WDFY3: variants seen among roughly 807,000 people sequenced by gnomAD.
The protein encoded by WDFY3 is WD repeat and FYVE domain-containing protein 3.
A neutral mutation model predicts 409.6 loss-of-function variants in WDFY3; 66 were observed. The ratio of observed to expected loss-of-function variants is 0.16; its 90% CI spans 0.13 to 0.20. The LOEUF is 0.20. Ranked by LOEUF, WDFY3 falls within the 10% of genes least tolerant of loss-of-function variation. The pLI is 1.00. For synonymous variants in WDFY3, 1,521 were observed against 1,537.1 expected, an observed-to-expected ratio of 0.99 and a Z score of 0.25; for missense variants, 3,031 against 4,298.1, an observed-to-expected ratio of 0.71 and a Z score of 8.24.
chr4:84,803,697 G>A (rs1046446831), intron 15 of WDFY3, among the ~76,000 whole-genome samples: 3 of 152,048 alleles, frequency 2.0e-5, no homozygotes, highest in Admixed American at 6.6e-5. Flanking sequence ...GCCTTTATAT[G>A]ATTTTTACTT....
intron 1 of WDFY3, among the ~76,000 whole-genome samples, chr4:84,947,222 C>G (rs913025015): frequency 1.3e-5 from 2 of 151,566 alleles, no homozygotes; most frequent in East Asian, 3.9e-4. Flanking sequence ...TATAAAAATT[C>G]CTGCTAGGGG....
At chr4:84,682,567 T>G in intron 63 of WDFY3, 97 bp from the exon 64 acceptor site, 2 of 968,000 alleles carry the variant, frequency 2.1e-6, no homozygotes, top group South Asian at 3.0e-5. Flanking sequence ...GGTTAACAGA[T>G]AACTTAATTT....
rs565702305 is a variant in WDFY3, at chr4:84,684,408, G to T, written c.9544-283C>A. 3.3e-5 allele frequency among the ~76,000 whole-genome samples: 5 copies of T among 152,292 alleles called. No individual in the cohort carries two copies. The South Asian group carries it at 1.0e-3, about 32-fold the overall frequency. ...CGTCCCTGGCACACTGCTGAGCAAG[G>T]TCTGGCGACACAAGAAAGCTCCCTG... On this transcript the variant is annotated intron_variant, in intron 62 of 67. Transcript: ENST00000295888.
At position 84,715,372 on chromosome 4, in the gene WDFY3, C is replaced by G; in HGVS notation, c.7887G>C (p.Val2629=). 1.3e-6 allele frequency: 2 copies of G among 1,595,576 alleles called. No homozygotes were observed. The highest frequency in any genetic ancestry group is 1.7e-6 in the Non-Finnish European group (2 of 1,163,794). The change falls in exon 50 of 68, where the codon GTG becomes GTC. Residue 2629 remains valine (V), a synonymous_variant. Coordinates refer to ENST00000295888, the MANE Select transcript of WDFY3 (RefSeq NM_014991.6). ...KRRYLLQPIA[V]EVFSGDGRNY... ...TCCGTCCATCTCCAGAGAAAACTTC[C>G]ACAGCAATAGGCTGAAATGATCAGA...
chr4:84,872,310 T>A (rs1560972438), intron 3 of WDFY3, among the ~76,000 whole-genome samples: 1 of 151,342 alleles, frequency 6.6e-6, no homozygotes, highest in Admixed American at 6.6e-5. Context: ...ACTAAAAATA[T>A]AAAAATTAGC....
At chr4:84,793,916 A>G (rs1212597197) in intron 21 of WDFY3, among the ~76,000 whole-genome samples, 1 of 152,234 alleles carries the variant, frequency 6.6e-6, no homozygotes, top group Admixed American at 6.5e-5. Flanking sequence ...AATCACATTT[A>G]TACAAAATGC....
chr4:84,690,905 G>C (rs1213004268), intron 60 of WDFY3, among the ~76,000 whole-genome samples: 1 of 152,110 alleles, frequency 6.6e-6, no homozygotes, highest in Non-Finnish European at 1.5e-5. Flanking sequence ...TCATAATGGG[G>C]GTCTCTGGTT....
chr4:84,941,276 A>G (rs1561125019), intron 1 of WDFY3, among the ~76,000 whole-genome samples: 1 of 152,086 alleles, frequency 6.6e-6, no homozygotes, highest in Non-Finnish European at 1.5e-5. Flanking sequence ...ACTTGGCAAG[A>G]CTGCAGTATA....
chr4:84,892,715 T>A (rs1765113851), intron 3 of WDFY3, among the ~76,000 whole-genome samples: 1 of 152,198 alleles, frequency 6.6e-6, no homozygotes, highest in Non-Finnish European at 1.5e-5. Flanking sequence ...ATGCTAAGAA[T>A]GTAGAGGAAG....
intron 3 of WDFY3, among the ~76,000 whole-genome samples, chr4:84,877,471 T>C (rs1474951777): frequency 6.6e-6 from 1 of 152,090 alleles, no homozygotes; most frequent in Non-Finnish European, 1.5e-5. Context: ...CTAATTGTTT[T>C]ATTTTTTTAT....
At chr4:84,778,285 T>C (rs1207295164) in intron 27 of WDFY3, among the ~76,000 whole-genome samples, 1 of 152,146 alleles carries the variant, frequency 6.6e-6, no homozygotes. Context: ...ATATGCATCA[T>C]ACCATTTCAC....
intron 33 of WDFY3, among the ~76,000 whole-genome samples, chr4:84,756,586 C>CAATTA (rs1741495322): frequency 7.8e-6 from 1 of 128,982 alleles, no homozygotes; most frequent in African/African-American, 2.8e-5. Flanking sequence ...CTCTGTCTCA[C>CAATTA]AAATAAAATA....
rs541270592 is a variant in WDFY3 at position 84,692,319 on chromosome 4, A to T, written c.9050-534T>A. On this transcript the variant is annotated intron_variant, in intron 59 of 67. Coordinates refer to ENST00000295888, the MANE Select transcript of WDFY3 (RefSeq NM_014991.6). ...TCTGTGTAATGAGGACAAATGGCAT[A>T]GAATGGCACACAAGTTAACCAGATT... is the stretch of plus-strand genomic sequence containing the variant. Among the ~76,000 whole-genome samples the T allele has an allele frequency of 2.6e-5, 4 of 152,374 alleles. 1 individual carries two copies. In the South Asian group the frequency reaches 6.2e-4, roughly 24 times the overall value.
chr4:84,744,852 CAAAAAA>C (rs1165273561), intron 36 of WDFY3, among the ~76,000 whole-genome samples: 685 of 15,624 alleles, frequency 0.044, 3 homozygotes, highest in Middle Eastern at 0.17. Context: ...GACTCCGTCT[CAAAAAA>C]AAAAAAAAAA....
chr4:84,885,647 A>G (rs1022217804), intron 3 of WDFY3, among the ~76,000 whole-genome samples: 1 of 152,216 alleles, frequency 6.6e-6, no homozygotes, highest in Non-Finnish European at 1.5e-5. Context: ...GAAGGCCATT[A>G]AACACAGAGG....
In WDFY3 at chr4:84,856,431, TTTTC is replaced by T. The variant is rs200745259; in HGVS notation, c.180+3977_180+3980del. Among the ~76,000 whole-genome samples the T allele has an allele frequency of 8.2e-3, 1,246 of 152,276 alleles. 17 individuals carry two copies. Among genetic ancestry groups the T allele is most frequent in the African/African-American group, 0.028 (1,172 of 41,566 alleles). On this transcript the variant is annotated intron_variant, in intron 4 of 67. Coordinates refer to ENST00000295888, the MANE Select transcript of WDFY3 (RefSeq NM_014991.6). ...ATTTTGAGTAAGTTTAAACCAAATG[TTTTC>T]TTTGTCAGCTTTTGTTCTTGGGACT... is the stretch of plus-strand genomic sequence containing the variant.
chr4:84,826,113 G>A (rs1369117295), intron 10 of WDFY3, among the ~76,000 whole-genome samples: 2 of 151,938 alleles, frequency 1.3e-5, no homozygotes, highest in South Asian at 2.1e-4. Context: ...ATAGTCAGCC[G>A]CTGTATCCAT....
In WDFY3 at chr4:84,712,070, T is replaced by A. The variant is rs144252844; in HGVS notation, c.8042+1089A>T. Among the ~76,000 whole-genome samples the A allele has an allele frequency of 2.7e-4, 41 of 152,060 alleles. No homozygotes were observed. The East Asian group carries it at 7.6e-3, about 28-fold the overall frequency. The stretch of plus-strand genomic sequence containing the variant: ...CGGGCATGGTGACTCATGCCTGCAA[T>A]CCCAGCGCTTTGAGGGGCCAAGATG... On this transcript the variant is annotated intron_variant, in intron 51 of 67. Transcript: ENST00000295888.
At position 84,828,926 on chromosome 4, in the gene WDFY3, C is replaced by T. The variant is rs1755257197; in HGVS notation, c.956+78G>A. On this transcript the variant is annotated intron_variant, in intron 9 of 67. Coordinates refer to ENST00000295888, the MANE Select transcript of WDFY3 (RefSeq NM_014991.6). ...TTTCCTTAATTTGCTTTTCCTATAA[C>T]CCCAAATCACATTGTTTTCTTTGAT... 3.6e-6 allele frequency: 5 copies of T among 1,407,552 alleles called. No individual in the cohort carries two copies. The East Asian group carries it at 1.2e-4, about 34-fold the overall frequency. The allele number at this position is 1,407,552 out of a possible 1,614,324, so 87.2% of individuals were successfully genotyped here. A position where few individuals can be genotyped will look rare whatever the true frequency, so the allele number is the denominator to read the frequency against.
Sources: allele counts gnomAD v4.1 joint callset (sites outside exome capture counted in the v4.1 genomes callset), GRCh38; gene constraint gnomAD v4.1.1; transcripts MANE v1.5; gene names NCBI Gene and HGNC (gene_info 2026-07-23, HGNC 2026-07-21).